Variants in TNPO3 observed in about 807,000 individuals in gnomAD.
TNPO3 encodes the protein transportin 3, also known as transportin-3.
In TNPO3, 65 loss-of-function variants were observed where a neutral mutation model predicts 122.8. That is an observed-to-expected ratio of 0.53 (90% CI 0.43 to 0.65). The LOEUF is 0.65. TNPO3 is among the 30% of genes least tolerant of loss of function. The pLI is 0.00. For synonymous variants in TNPO3, 372 were observed against 411.2 expected, an observed-to-expected ratio of 0.90 and a Z score of 1.15; for missense variants, 850 against 1,136.7, an observed-to-expected ratio of 0.75 and a Z score of 3.63.
At chr7:129,027,558 C>CAAAAAAAAAAAAAAAAAAAAAAAAAA (rs71162549) in intron 1 of TNPO3, among the ~76,000 whole-genome samples, 1 of 8,972 alleles carries the variant, frequency 1.1e-4, no homozygotes, top group Non-Finnish European at 1.8e-4. Flanking sequence ...AAGACTGTCT[C>CAAAAAAAAAAAAAAAAAAAAAAAAAA]AAAAAAAAAA....
intron 1 of TNPO3, among the ~76,000 whole-genome samples, chr7:129,045,409 T>C (rs55906661): frequency 0.044 from 6,727 of 151,604 alleles, 202 homozygotes; most frequent in Middle Eastern, 0.1. Flanking sequence ...GGAGGCAAGA[T>C]AGCTTGAGCC....
chr7:129,002,345 T>TA (rs1802028392), intron 5 of TNPO3, among the ~76,000 whole-genome samples: 1 of 152,158 alleles, frequency 6.6e-6, no homozygotes, highest in Non-Finnish European at 1.5e-5. Context: ...GGAGTAGATC[T>TA]AAAGAACAAC....
intron 22 of TNPO3, 53 bp downstream of exon 22, chr7:128,957,171 C>T (rs906132049): frequency 6.7e-7 from 1 of 1,487,892 alleles, no homozygotes. Flanking sequence ...CATTCCCAGG[C>T]ATCCCCAACA....
At chr7:129,013,934 TAA>T (rs947833171) in intron 4 of TNPO3, among the ~76,000 whole-genome samples, 2 of 151,794 alleles carry the variant, frequency 1.3e-5, no homozygotes, top group Non-Finnish European at 2.9e-5. Flanking sequence ...CTCATAGAGG[TAA>T]AGAGTAGAAT....
At chr7:129,044,464 C>G (rs965155514) in intron 1 of TNPO3, among the ~76,000 whole-genome samples, 1 of 152,096 alleles carries the variant, frequency 6.6e-6, no homozygotes, top group South Asian at 2.1e-4. Context: ...GAAAACCCAC[C>G]AAAAGGAAAA....
intron 1 of TNPO3, among the ~76,000 whole-genome samples, chr7:129,050,376 T>C (rs1209591240): frequency 3.2e-5 from 3 of 92,698 alleles, no homozygotes; most frequent in South Asian, 8.8e-4. Context: ...AGCGAGACTC[T>C]GTCTCAAAAA....
At chr7:128,993,743 G>C (rs1437610074) in intron 9 of TNPO3, 64 bp downstream of exon 9, 1 of 1,356,134 alleles carries the variant, frequency 7.4e-7, no homozygotes, top group Non-Finnish European at 1.0e-6. Flanking sequence ...ATTCACAGAA[G>C]ACACAGAAGT....
intron 21 of TNPO3, among the ~76,000 whole-genome samples, chr7:128,958,907 G>T (rs1407643120): frequency 6.6e-6 from 1 of 152,206 alleles, no homozygotes. Flanking sequence ...ACGAGGCTAA[G>T]GCAGGAGGAT....
intron 4 of TNPO3, among the ~76,000 whole-genome samples, chr7:129,008,220 TAA>T (rs1184129988): frequency 1.3e-5 from 2 of 150,396 alleles, no homozygotes; most frequent in Non-Finnish European, 3.0e-5. Flanking sequence ...AAAGTATTTG[TAA>T]AAAGTCATCA....
chr7:129,048,607 T>G (rs1584596721), intron 1 of TNPO3, among the ~76,000 whole-genome samples: 2 of 145,824 alleles, frequency 1.4e-5, no homozygotes, highest in East Asian at 4.0e-4. Context: ...TTTGCAAGTA[T>G]GAAATGAGGG....
At chr7:129,027,332 G>A (rs568467190) in intron 1 of TNPO3, among the ~76,000 whole-genome samples, 6 of 151,828 alleles carry the variant, frequency 4.0e-5, no homozygotes, top group East Asian at 3.9e-4. Context: ...AGGCCGAGGC[G>A]GGCAGATCAC....
chr7:129,013,574 G>C (rs1035115662), intron 4 of TNPO3, among the ~76,000 whole-genome samples: 10 of 152,120 alleles, frequency 6.6e-5, no homozygotes, highest in Non-Finnish European at 1.5e-4. Flanking sequence ...TTTCTCAACA[G>C]ACTGAAAATA....
chr7:128,987,495 A>G (rs1254507136), intron 11 of TNPO3, among the ~76,000 whole-genome samples: 1 of 152,196 alleles, frequency 6.6e-6, no homozygotes, highest in East Asian at 1.9e-4. Context: ...CATAAAGTTG[A>G]ATTTCTATAG....
At chr7:129,016,880 A>G (rs1803912439) in intron 3 of TNPO3, 103 bp downstream of exon 3, 1 of 935,704 alleles carries the variant, frequency 1.1e-6, no homozygotes, top group Admixed American at 1.9e-5. Context: ...CTATGTTAAG[A>G]GTTCAGGGAA....
chr7:129,028,936 T>C, intron 1 of TNPO3: 1 of 438,048 alleles, frequency 2.3e-6, no homozygotes, highest in Non-Finnish European at 4.5e-6. Flanking sequence ...CTTGCTTCCT[T>C]GATGAAGGTT....
chr7:128,991,022 G>T lies in TNPO3; in HGVS notation c.1359-922C>A, dbSNP rs1800689356. Among the ~76,000 whole-genome samples, 4 of 152,150 alleles carry T rather than the reference G, an allele frequency of 2.6e-5. No individual in the cohort carries two copies. In the South Asian group the frequency reaches 6.2e-4, roughly 24 times the overall value. On this transcript the variant is annotated intron_variant, in intron 10 of 22. Transcript: ENST00000265388. ...TCATTTATGACTTATGTTTCCTAGG[G>T]ACACTAAGTCAATTAACGAAGACTA...
At chr7:129,041,210 T>A (rs1807339946) in intron 1 of TNPO3, among the ~76,000 whole-genome samples, 1 of 151,672 alleles carries the variant, frequency 6.6e-6, no homozygotes, top group Non-Finnish European at 1.5e-5. Flanking sequence ...CTAAAAAAAA[T>A]TTAAAAATCA....
Position 129,005,130 on chromosome 7 carries a change from A to C in TNPO3, c.582T>G (p.Asp194Glu). The C allele has an allele frequency of 4.3e-6, 7 of 1,613,964 alleles. No individual in the cohort carries two copies. The highest frequency in any genetic ancestry group is 5.1e-6 in the Non-Finnish European group (6 of 1,179,906). Residue 194 changes from aspartate to glutamate, a missense_variant, in exon 5 of 23, where the codon GAT (aspartate) becomes GAG (glutamate). Transcript: ENST00000265388. ...GAAAAACCTTCATAAGCATTTTCTC[A>C]TCTGTTCCTGCTTTTTCTACACAGG... The part of the protein sequence containing the change: ...LMTCVEKAGT[D>E]EKMLMKVFRC...
chr7:129,015,205 AT>A (rs1803698406), intron 3 of TNPO3, 70 bp from the exon 4 acceptor site: 1 of 1,525,140 alleles, frequency 6.6e-7, no homozygotes, highest in Admixed American at 2.1e-5. Context: ...GATAACAGCC[AT>A]CAGAGTAACT....
Sources: allele counts gnomAD v4.1 joint callset (sites outside exome capture counted in the v4.1 genomes callset), GRCh38; gene constraint gnomAD v4.1.1; transcripts MANE v1.5; gene names NCBI Gene and HGNC (gene_info 2026-07-23, HGNC 2026-07-21).